The following TMEM178B variants were observed in gnomAD, a reference collection of about 807,000 sequenced individuals.
TMEM178B encodes the protein transmembrane protein 178B.
A neutral mutation model predicts 31.0 loss-of-function variants in TMEM178B; 5 were observed. That is an observed-to-expected ratio of 0.16 (90% CI 0.08 to 0.34). TMEM178B has a LOEUF of 0.34. Ranked by LOEUF, TMEM178B falls within the 10% of genes least tolerant of loss-of-function variation. The pLI, the probability that TMEM178B is intolerant of heterozygous loss-of-function variation, is 1.00. For synonymous variants in TMEM178B, 164 were observed against 164.0 expected (o/e 1.00, Z 0.00); for missense variants, 275 against 400.3 (o/e 0.69, Z 2.67).
chr7:141,302,877 C>G (rs1798752147), intron 2 of TMEM178B, among the ~76,000 whole-genome samples: 2 of 152,146 alleles, frequency 1.3e-5, no homozygotes, highest in Admixed American at 1.3e-4. Context: ...AGAGACTTGA[C>G]CTCCGGGCAC....
chr7:141,176,798 G>A (rs907324402), intron 1 of TMEM178B, among the ~76,000 whole-genome samples: 4 of 152,152 alleles, frequency 2.6e-5, no homozygotes, highest in African/African-American at 7.2e-5. Context: ...GGGATCGGTG[G>A]TGATATCCTC....
chr7:141,358,280 CTATTTAAAGAT>C (rs1304186814), intron 2 of TMEM178B, among the ~76,000 whole-genome samples: 1 of 152,146 alleles, frequency 6.6e-6, no homozygotes, highest in Non-Finnish European at 1.5e-5. Flanking sequence ...CATTGCCTTG[CTATTTAAAGAT>C]GCATGCTCCC....
At chr7:141,440,500 G>A (rs552068232) in intron 3 of TMEM178B, among the ~76,000 whole-genome samples, 2 of 152,072 alleles carry the variant, frequency 1.3e-5, no homozygotes, top group African/African-American at 4.8e-5. Flanking sequence ...GAACTGGTTA[G>A]CCAAGACCTC....
At chr7:141,317,903 C>A (rs886482866) in intron 2 of TMEM178B, among the ~76,000 whole-genome samples, 3 of 152,132 alleles carry the variant, frequency 2.0e-5, no homozygotes, top group African/African-American at 4.8e-5. Flanking sequence ...GTATCAAAAG[C>A]TGCAGAATGT....
chr7:141,314,097 C>T (rs572852156), intron 2 of TMEM178B, among the ~76,000 whole-genome samples: 1 of 152,354 alleles, frequency 6.6e-6, no homozygotes, highest in East Asian at 1.9e-4. Context: ...CCTGACATCT[C>T]TTTCATTTAG....
At chr7:141,265,169 T>G (rs1294720704) in intron 2 of TMEM178B, among the ~76,000 whole-genome samples, 1 of 152,216 alleles carries the variant, frequency 6.6e-6, no homozygotes, top group Non-Finnish European at 1.5e-5. Flanking sequence ...GCTTCGCAGG[T>G]AGAGATAAAC....
chr7:141,397,434 G>A (rs988925207), intron 2 of TMEM178B, among the ~76,000 whole-genome samples: 8 of 152,086 alleles, frequency 5.3e-5, no homozygotes, highest in Non-Finnish European at 8.8e-5. Context: ...TGAGACGGAC[G>A]GACCTTACCC....
intron 1 of TMEM178B, among the ~76,000 whole-genome samples, chr7:141,201,279 C>G (rs982777023): frequency 3.3e-5 from 5 of 152,118 alleles, no homozygotes; most frequent in Non-Finnish European, 7.4e-5. Context: ...TGGGTTTGCA[C>G]AGGTCTGACT....
intron 2 of TMEM178B, among the ~76,000 whole-genome samples, chr7:141,437,360 C>T (rs572371719): frequency 1.4e-4 from 22 of 152,348 alleles, no homozygotes; most frequent in South Asian, 6.2e-4. Flanking sequence ...GAAATGGCCA[C>T]GATATTGTGA....
chr7:141,331,987 T>C (rs1309723273), intron 2 of TMEM178B, among the ~76,000 whole-genome samples: 1 of 152,192 alleles, frequency 6.6e-6, no homozygotes, highest in East Asian at 1.9e-4. Flanking sequence ...GTCCTCTGGA[T>C]TGGTTTTCCC....
intron 2 of TMEM178B, among the ~76,000 whole-genome samples, chr7:141,276,168 A>T (rs1798263507): frequency 6.6e-6 from 1 of 152,240 alleles, no homozygotes; most frequent in South Asian, 2.1e-4. Context: ...GATGGCAGTG[A>T]TGGGAACTGA....
At chr7:141,246,854 A>G (rs192099587) in intron 2 of TMEM178B, among the ~76,000 whole-genome samples, 1 of 152,266 alleles carries the variant, frequency 6.6e-6, no homozygotes, top group Admixed American at 6.5e-5. Flanking sequence ...TAGGATCTGA[A>G]TAAGGGAGCA....
intron 1 of TMEM178B, among the ~76,000 whole-genome samples, chr7:141,134,820 A>T (rs996966814): frequency 3.3e-5 from 5 of 152,300 alleles, no homozygotes; most frequent in Admixed American, 1.3e-4. Flanking sequence ...AAGTGGAGGG[A>T]TGGAAAAAGA....
intron 2 of TMEM178B, among the ~76,000 whole-genome samples, chr7:141,265,975 G>A (rs1798089236): frequency 6.6e-6 from 1 of 152,136 alleles, no homozygotes; most frequent in Admixed American, 6.5e-5. Flanking sequence ...TGGATGTGGT[G>A]CCTGACTGAG....
intron 1 of TMEM178B, among the ~76,000 whole-genome samples, chr7:141,146,108 C>T (rs142846531): frequency 5.3e-4 from 80 of 152,338 alleles, no homozygotes; most frequent in African/African-American, 1.9e-3. Context: ...TGTTAATACC[C>T]TCACTTACAG....
chr7:141,393,464 C>G (rs758975467), intron 2 of TMEM178B, among the ~76,000 whole-genome samples: 8 of 152,060 alleles, frequency 5.3e-5, no homozygotes, highest in Non-Finnish European at 8.8e-5. Flanking sequence ...AAGGAAGGAG[C>G]CAGAGGACTT....
At chr7:141,185,900 A>T (rs1796602924) in intron 1 of TMEM178B, among the ~76,000 whole-genome samples, 1 of 152,094 alleles carries the variant, frequency 6.6e-6, no homozygotes, top group Non-Finnish European at 1.5e-5. Context: ...TAAATGCCTC[A>T]ATCAGAGACC....
intron 2 of TMEM178B, among the ~76,000 whole-genome samples, chr7:141,230,938 G>T (rs1797431912): frequency 6.6e-6 from 1 of 152,158 alleles, no homozygotes; most frequent in African/African-American, 2.4e-5. Flanking sequence ...CTGGCCTCAA[G>T]TGATCCTCCT....
intron 2 of TMEM178B, among the ~76,000 whole-genome samples, chr7:141,400,867 C>G (rs1800749632): frequency 6.6e-6 from 1 of 152,202 alleles, no homozygotes; most frequent in South Asian, 2.1e-4. Context: ...GTCACCATCA[C>G]CCGTCTGGCT....
Sources: gnomAD v4.1 joint callset for allele counts (sites outside exome capture counted in the v4.1 genomes callset) on GRCh38, gnomAD v4.1.1 for gene constraint, MANE v1.5 for transcripts, NCBI Gene and HGNC (gene_info 2026-07-23, HGNC 2026-07-21) for gene names.